HTR7: variants seen among roughly 807,000 people sequenced by gnomAD.
HTR7 encodes 5-HT-7.
A neutral mutation model predicts 34.0 loss-of-function variants in HTR7; 16 were observed. That is an observed-to-expected ratio of 0.47 (90% CI 0.32 to 0.71). The LOEUF (loss-of-function observed/expected upper bound fraction) is 0.71, where lower values mean the gene tolerates loss of function less well. Among genes scored for constraint, HTR7 ranks in the 30% least tolerant of loss-of-function variants. The pLI, the probability that HTR7 is intolerant of heterozygous loss-of-function variation, is 0.04. For synonymous variants in HTR7, 265 were observed against 260.2 expected (o/e 1.02, Z -0.18); for missense variants, 504 against 625.5 (o/e 0.81, Z 2.07).
At chr10:90,768,218 C>T (rs1589442428) in intron 1 of HTR7, among the ~76,000 whole-genome samples, 2 of 150,874 alleles carry the variant, frequency 1.3e-5, no homozygotes, top group Non-Finnish European at 2.9e-5. Flanking sequence ...GTCTCCATTG[C>T]CATCATTTAA....
intron 1 of HTR7, among the ~76,000 whole-genome samples, chr10:90,766,247 T>C (rs4262637): frequency 0.23 from 35,217 of 152,158 alleles, 4,335 homozygotes; most frequent in African/African-American, 0.32. Flanking sequence ...TCCTGATTAA[T>C]TGACCTCTTT....
At chr10:90,823,484 G>A (rs1846021132) in intron 1 of HTR7, among the ~76,000 whole-genome samples, 1 of 152,230 alleles carries the variant, frequency 6.6e-6, no homozygotes, top group African/African-American at 2.4e-5. Context: ...CAGTATCTTA[G>A]AAGTAACTAA....
Position 90,857,466 on chromosome 10 carries a change from C to T in HTR7, c.206G>A (p.Gly69Asp). The T allele has an allele frequency of 6.2e-7, 1 of 1,613,856 alleles. No homozygotes were observed. The highest frequency in any genetic ancestry group is 8.5e-7 in the Non-Finnish European group (1 of 1,180,010). Reference protein sequence around the residue: ...TWDAPPDNASGCGEQINYGRV... With the variant: ...TWDAPPDNASDCGEQINYGRV... ...GCCGTAGTTGATCTGTTCCCCACAGCCGGAGGCATTGTCCGGGGGCGCGTC... is the reference window on the plus strand; with the variant it reads ...GCCGTAGTTGATCTGTTCCCCACAGTCGGAGGCATTGTCCGGGGGCGCGTC... Residue 69 changes from glycine to aspartate, a missense_variant, in exon 1 of 4, where the codon GGC becomes GAC. Around this residue, in one of 4 missense-constraint regions of HTR7, gnomAD observed 139 missense variants for 117.1 expected, o/e 1.19. Transcript: ENST00000336152. The surrounding 1 kb of genome is among the most constrained non-coding windows in gnomAD (Gnocchi z 6.5).
chr10:90,838,475 A>G (rs1846283079), intron 1 of HTR7, among the ~76,000 whole-genome samples: 1 of 152,184 alleles, frequency 6.6e-6, no homozygotes, highest in Non-Finnish European at 1.5e-5. Context: ...TTGGTCTCCA[A>G]GTTTTCATTC....
rs543595009 is a variant in HTR7 at position 90,770,141 on chromosome 10, G to A, written c.540-20547C>T. ...CCCAGCATGACCATTCTAGCATACC[G>A]CACCTGCGGGGAGGGCACCTGCAGG... On this transcript the variant is annotated intron_variant, in intron 1 of 3. Coordinates refer to ENST00000336152, the MANE Select transcript of HTR7 (RefSeq NM_019859.4). 5.9e-5 allele frequency among the ~76,000 whole-genome samples: 9 copies of A among 152,316 alleles called. No homozygotes were observed. The South Asian group carries it at 1.2e-3, about 21-fold the overall frequency.
rs187101846 is a variant in HTR7, at chr10:90,756,456, G to C, written c.540-6862C>G. Among the ~76,000 whole-genome samples, 1,175 of 152,178 alleles carry C rather than the reference G, an allele frequency of 7.7e-3. 5 individuals carry two copies. The highest frequency in any genetic ancestry group is 0.014 in the Non-Finnish European group (954 of 67,996). On this transcript the variant is annotated intron_variant, in intron 1 of 3. Transcript: ENST00000336152. The stretch of plus-strand genomic sequence containing the variant: ...GTTCTCTAAAACCAATGTTACAGTG[G>C]GGTTCCAATACACTTTTAAACCATT...
At chr10:90,785,832 G>C (rs904124736) in intron 1 of HTR7, among the ~76,000 whole-genome samples, 1 of 152,074 alleles carries the variant, frequency 6.6e-6, no homozygotes, top group Non-Finnish European at 1.5e-5. Context: ...ACAAGAATTG[G>C]GCCAAGAATA....
At position 90,821,624 on chromosome 10, in the gene HTR7, G is replaced by A. The variant is rs546134449; in HGVS notation, c.539+35509C>T. Among the ~76,000 whole-genome samples the A allele has an allele frequency of 2.0e-5, 3 of 152,272 alleles. No individual in the cohort carries two copies. In the South Asian group the frequency reaches 6.2e-4, roughly 32 times the overall value. On this transcript the variant is annotated intron_variant, in intron 1 of 3. Coordinates refer to ENST00000336152, the MANE Select transcript of HTR7 (RefSeq NM_019859.4). ...GCTGGGTTCAAGGCCAGTGGACTTC[G>A]GGGACACATGACCTAGTGAGACACC...
Position 90,749,396 on chromosome 10 carries a change from C to T in HTR7, c.738G>A (p.Val246=). 1 of 1,614,126 alleles carries T rather than the reference C, an allele frequency of 6.2e-7. No individual in the cohort carries two copies. The highest frequency in any genetic ancestry group is 8.5e-7 in the Non-Finnish European group (1 of 1,180,028). ...DFGYTIYSTA[V]AFYIPMSVML... ...TGACGGACATGGGGATATAAAATGC[C>T]ACTGCGGTAGAGTAAATCGTATAGC... Residue 246 remains valine, a synonymous_variant, in exon 2 of 4, where the codon GTG becomes GTA. Transcript: ENST00000336152. The surrounding 1 kb of genome is among the most constrained non-coding windows in gnomAD (Gnocchi z 4.2).
chr10:90,856,531 G>T (rs1167840014), intron 1 of HTR7, among the ~76,000 whole-genome samples: 2 of 152,200 alleles, frequency 1.3e-5, no homozygotes, highest in African/African-American at 4.8e-5. Flanking sequence ...ATTCAGACCT[G>T]GAGGAAGGCT....
At chr10:90,849,339 C>T (rs972661034) in intron 1 of HTR7, among the ~76,000 whole-genome samples, 1 of 152,100 alleles carries the variant, frequency 6.6e-6, no homozygotes, top group African/African-American at 2.4e-5. Context: ...AGTTTTTTGA[C>T]ATTTTAATTG....
chr10:90,760,912 A>C (rs1295911533), intron 1 of HTR7, among the ~76,000 whole-genome samples: 1 of 152,192 alleles, frequency 6.6e-6, no homozygotes, highest in Non-Finnish European at 1.5e-5. Context: ...CACGTACCCT[A>C]TAAATATGTA....
At chr10:90,797,632 A>G (rs1043746988) in intron 1 of HTR7, among the ~76,000 whole-genome samples, 1 of 152,206 alleles carries the variant, frequency 6.6e-6, no homozygotes, top group South Asian at 2.1e-4. Flanking sequence ...TTCTCTGAAA[A>G]GAAACTCTTC....
At chr10:90,827,946 G>C (rs557826460) in intron 1 of HTR7, among the ~76,000 whole-genome samples, 8 of 152,258 alleles carry the variant, frequency 5.3e-5, no homozygotes, top group Admixed American at 5.2e-4. Flanking sequence ...TCATTCTCAA[G>C]GATAGACCAT....
intron 1 of HTR7, among the ~76,000 whole-genome samples, chr10:90,803,365 C>T (rs184559697): frequency 3.3e-5 from 5 of 152,176 alleles, no homozygotes; most frequent in East Asian, 3.9e-4. Flanking sequence ...AGCCTGCCAG[C>T]GCTTGGGAAG....
intron 1 of HTR7, among the ~76,000 whole-genome samples, chr10:90,757,329 A>G (rs1844847355): frequency 6.6e-6 from 1 of 152,206 alleles, no homozygotes; most frequent in African/African-American, 2.4e-5. Context: ...AAAGCCATGA[A>G]GAGCAGAAGC....
chr10:90,826,963 A>AT (rs1275355848), intron 1 of HTR7, among the ~76,000 whole-genome samples: 6 of 151,638 alleles, frequency 4.0e-5, no homozygotes, highest in African/African-American at 1.5e-4. Flanking sequence ...AATAATAATA[A>AT]AATAAATAAA....
At chr10:90,814,613 A>G (rs1341020001) in intron 1 of HTR7, among the ~76,000 whole-genome samples, 1 of 152,238 alleles carries the variant, frequency 6.6e-6, no homozygotes, top group Non-Finnish European at 1.5e-5. Context: ...TGATAGAAAA[A>G]CAATGAAACT....
chr10:90,852,465 G>A (rs1019904767), intron 1 of HTR7, among the ~76,000 whole-genome samples: 2 of 152,094 alleles, frequency 1.3e-5, no homozygotes, highest in South Asian at 4.1e-4. Flanking sequence ...AAATTAAAAT[G>A]TTCCAAAGTA....
Sources: gnomAD v4.1 joint callset for allele counts (sites outside exome capture counted in the v4.1 genomes callset) on GRCh38, gnomAD v4.1.1 for gene constraint, gnomAD v4.1.1 regional missense constraint, Gnocchi (gnomAD v3.1) non-coding constraint, MANE v1.5 for transcripts, NCBI Gene and HGNC (gene_info 2026-07-23, HGNC 2026-07-21) for gene names.